Variants in PRKCE observed in about 807,000 individuals in gnomAD.
PRKCE encodes the protein protein kinase C epsilon type.
A neutral mutation model predicts 85.4 loss-of-function variants in PRKCE; 16 were observed. That is an observed-to-expected ratio of 0.19 (90% CI 0.13 to 0.28). The LOEUF (loss-of-function observed/expected upper bound fraction) is 0.28, where lower values mean the gene tolerates loss of function less well. Among genes scored for constraint, PRKCE ranks in the 10% least tolerant of loss-of-function variants. PRKCE has a pLI of 1.00. For missense variants in PRKCE, 573 were observed against 975.2 expected (o/e 0.59, Z 5.49); for synonymous variants, 388 against 371.5 (o/e 1.04, Z -0.51).
At chr2:46,071,621 G>A (rs1447218924) in intron 10 of PRKCE, among the ~76,000 whole-genome samples, 3 of 152,168 alleles carry the variant, frequency 2.0e-5, no homozygotes, top group Non-Finnish European at 2.9e-5. Flanking sequence ...CTTTAAAAAC[G>A]TCCATGGAAG....
At chr2:45,813,030 C>G (rs760864011) in intron 1 of PRKCE, among the ~76,000 whole-genome samples, 2 of 152,186 alleles carry the variant, frequency 1.3e-5, no homozygotes, top group Non-Finnish European at 2.9e-5. Context: ...ATTGAAAATT[C>G]TATCTCTGGG....
intron 10 of PRKCE, among the ~76,000 whole-genome samples, chr2:46,014,853 T>G (rs776295799): frequency 6.2e-4 from 95 of 152,258 alleles, no homozygotes; most frequent in Non-Finnish European, 1.2e-3. Context: ...AAGACATGGC[T>G]GCTGAAACCT....
intron 1 of PRKCE, among the ~76,000 whole-genome samples, chr2:45,654,462 C>G (rs933857399): frequency 1.3e-5 from 2 of 152,124 alleles, no homozygotes; most frequent in African/African-American, 4.8e-5. Flanking sequence ...AGTTGGGGAC[C>G]GAGGGTCACA....
intron 2 of PRKCE, among the ~76,000 whole-genome samples, chr2:45,914,223 C>T (rs979073191): frequency 5.3e-5 from 8 of 152,054 alleles, no homozygotes; most frequent in African/African-American, 1.9e-4. Flanking sequence ...TATGTGAATT[C>T]AAAAAAATAA....
At chr2:46,114,779 G>A (rs1672612517) in intron 11 of PRKCE, among the ~76,000 whole-genome samples, 1 of 152,086 alleles carries the variant, frequency 6.6e-6, no homozygotes, top group African/African-American at 2.4e-5. Context: ...CCCGTTCACT[G>A]TGCCTTATGA....
At chr2:46,089,547 C>T (rs1398442230) in intron 11 of PRKCE, among the ~76,000 whole-genome samples, 2 of 152,188 alleles carry the variant, frequency 1.3e-5, no homozygotes, top group Admixed American at 6.5e-5. Flanking sequence ...GCCTTCAGCC[C>T]TTATAAGATA....
chr2:45,865,815 C>CTTCT (rs779577778), intron 2 of PRKCE, among the ~76,000 whole-genome samples: 2 of 133,680 alleles, frequency 1.5e-5, no homozygotes, highest in South Asian at 2.7e-4. Flanking sequence ...TCTTCTTCTT[C>CTTCT]TTTTTTTTTT....
intron 6 of PRKCE, among the ~76,000 whole-genome samples, chr2:45,996,351 T>A (rs1212137688): frequency 6.6e-6 from 1 of 152,192 alleles, no homozygotes; most frequent in Non-Finnish European, 1.5e-5. Flanking sequence ...GTATACTTTT[T>A]ATTTCTTTTT....
chr2:45,721,562 A>G (rs912733630), intron 1 of PRKCE, among the ~76,000 whole-genome samples: 8 of 152,114 alleles, frequency 5.3e-5, no homozygotes, highest in Non-Finnish European at 8.8e-5. Flanking sequence ...GCATAGTCCC[A>G]ATTTAGTTTC....
intron 11 of PRKCE, among the ~76,000 whole-genome samples, chr2:46,142,011 G>A (rs1001835436): frequency 1.3e-5 from 2 of 152,204 alleles, no homozygotes; most frequent in South Asian, 2.1e-4. Flanking sequence ...CAAAGAGGCA[G>A]CACTGAAAAC....
intron 2 of PRKCE, among the ~76,000 whole-genome samples, chr2:45,850,480 C>G (rs1208468365): frequency 2.0e-5 from 3 of 152,138 alleles, no homozygotes; most frequent in Non-Finnish European, 4.4e-5. Flanking sequence ...CTAATTTAAT[C>G]ATTTATTGTT....
At chr2:45,735,345 G>T (rs1436268207) in intron 1 of PRKCE, among the ~76,000 whole-genome samples, 1 of 152,198 alleles carries the variant, frequency 6.6e-6, no homozygotes, top group Non-Finnish European at 1.5e-5. Flanking sequence ...TCTCGGAACT[G>T]TTTAGTTGCA....
chr2:45,931,784 G>A (rs1018374266), intron 2 of PRKCE, among the ~76,000 whole-genome samples: 3 of 152,054 alleles, frequency 2.0e-5, no homozygotes, highest in Non-Finnish European at 4.4e-5. Context: ...TCGGCTCACT[G>A]CAGCCTTCGC....
intron 1 of PRKCE, among the ~76,000 whole-genome samples, chr2:45,782,414 T>G (rs1686261219): frequency 6.6e-6 from 1 of 152,088 alleles, no homozygotes; most frequent in African/African-American, 2.4e-5. Flanking sequence ...TCGATTCTGA[T>G]CCTCCATTTC....
chr2:46,032,713 A>G (rs930987750), intron 10 of PRKCE, among the ~76,000 whole-genome samples: 2 of 152,308 alleles, frequency 1.3e-5, no homozygotes, highest in East Asian at 1.9e-4. Context: ...GAAGGTCCTA[A>G]TCAGGAAGCT....
At position 46,085,761 on chromosome 2, in the gene PRKCE, T is replaced by G. The variant is rs867365510; in HGVS notation, c.1438-447T>G. 3.4e-4 allele frequency among the ~76,000 whole-genome samples: 26 copies of G among 76,234 alleles called. 1 individual carries two copies. Among genetic ancestry groups the G allele is most frequent in the Admixed American group, 2.4e-3 (15 of 6,358 alleles). 50.0% of individuals were successfully genotyped at this position (76,234 alleles called of 152,430 possible). A position where few individuals can be genotyped will look rare whatever the true frequency, so the allele number is the denominator to read the frequency against. On this transcript the variant is annotated intron_variant, in intron 10 of 14. Transcript: ENST00000306156. ...GTTTTTTTTTTTTGTTTTTGTTTTT[T>G]TTTTTTTTTTTAGCCATATAAGGTA...
At chr2:45,926,814 A>G (rs1217462486) in intron 2 of PRKCE, among the ~76,000 whole-genome samples, 1 of 152,242 alleles carries the variant, frequency 6.6e-6, no homozygotes, top group Non-Finnish European at 1.5e-5. Flanking sequence ...AAAGTAGGAC[A>G]CAGGATAGTA....
chr2:46,064,351 G>A (rs1297455982), intron 10 of PRKCE, among the ~76,000 whole-genome samples: 2 of 150,884 alleles, frequency 1.3e-5, no homozygotes, highest in Admixed American at 1.3e-4. Flanking sequence ...GTTCTCCTTC[G>A]ACACTCAAAA....
chr2:45,757,844 C>G (rs1442730958), intron 1 of PRKCE, among the ~76,000 whole-genome samples: 1 of 152,038 alleles, frequency 6.6e-6, no homozygotes, highest in East Asian at 1.9e-4. Context: ...CAGGGGAGGA[C>G]CACTGTCAAA....
Sources: gnomAD v4.1 joint callset for allele counts (sites outside exome capture counted in the v4.1 genomes callset) on GRCh38, gnomAD v4.1.1 for gene constraint, MANE v1.5 for transcripts, NCBI Gene and HGNC (gene_info 2026-07-23, HGNC 2026-07-21) for gene names.